Variants in OLFM3 observed in about 807,000 individuals in gnomAD.
The protein encoded by OLFM3 is olfactomedin 3.
OLFM3 carries 20 observed loss-of-function variants against 48.6 expected under a neutral mutation model. The ratio of observed to expected loss-of-function variants is 0.41; its 90% CI spans 0.29 to 0.60. The LOEUF is 0.60. Among genes scored for constraint, OLFM3 ranks in the 20% least tolerant of loss-of-function variants. The pLI is 0.28. For missense variants in OLFM3, 437 were observed against 544.3 expected (o/e 0.80, Z 1.96); for synonymous variants, 222 against 198.1 (o/e 1.12, Z -1.01).
chr1:101,949,491 T>C (rs1239921220), intron 1 of OLFM3, among the ~76,000 whole-genome samples: 1 of 152,188 alleles, frequency 6.6e-6, no homozygotes, highest in Non-Finnish European at 1.5e-5. Context: ...CCTCACACTT[T>C]GACTTCTATT....
intron 1 of OLFM3, among the ~76,000 whole-genome samples, chr1:101,899,574 T>C (rs1658322345): frequency 2.6e-5 from 4 of 152,220 alleles, no homozygotes; most frequent in African/African-American, 9.6e-5. Context: ...TTGCCTACCA[T>C]AGCAATTAAC....
At chr1:101,933,788 G>A (rs1319357551) in intron 1 of OLFM3, among the ~76,000 whole-genome samples, 1 of 152,012 alleles carries the variant, frequency 6.6e-6, no homozygotes, top group Non-Finnish European at 1.5e-5. Context: ...CTACAAGCAA[G>A]AAGAGACTGG....
At chr1:101,879,467 G>A (rs187907305) in intron 1 of OLFM3, among the ~76,000 whole-genome samples, 52 of 151,714 alleles carry the variant, frequency 3.4e-4, no homozygotes, top group South Asian at 8.3e-4. Context: ...TTCACCTTCC[G>A]TTTGTAAAAG....
chr1:101,823,943 G>A (rs1222503420), intron 4 of OLFM3, among the ~76,000 whole-genome samples: 1 of 150,064 alleles, frequency 6.7e-6, no homozygotes, highest in African/African-American at 2.4e-5. Flanking sequence ...ACTATTTTGA[G>A]GCTGTGATAA....
intron 1 of OLFM3, among the ~76,000 whole-genome samples, chr1:101,944,642 G>A (rs1659898451): frequency 6.6e-6 from 1 of 152,170 alleles, no homozygotes; most frequent in African/African-American, 2.4e-5. Flanking sequence ...CACTTTGGGA[G>A]TCCGAGGTGT....
At chr1:101,862,247 G>C (rs983936471) in intron 1 of OLFM3, among the ~76,000 whole-genome samples, 10 of 152,186 alleles carry the variant, frequency 6.6e-5, no homozygotes, top group African/African-American at 2.4e-4. Context: ...AGTGTAGGTT[G>C]TTCCATTTTT....
At chr1:101,835,643 T>C (rs1655365660) in intron 2 of OLFM3, among the ~76,000 whole-genome samples, 1 of 152,188 alleles carries the variant, frequency 6.6e-6, no homozygotes, top group South Asian at 2.1e-4. Flanking sequence ...GTTAGATGCA[T>C]GTTAGCTGAA....
chr1:101,830,800 C>T lies in OLFM3; in HGVS notation c.244G>A (p.Val82Ile). Reference sequence around the variant, plus strand: ...TCTCTCTGAGTTCTCAAGTTTAAGACTTCAATAGACTGGGACATGTTCTGA... The same window carrying T: ...TCTCTCTGAGTTCTCAAGTTTAAGATTTCAATAGACTGGGACATGTTCTGA... ...KVQNMSQSIE[V>I]LNLRTQRDFQ... Residue 82 changes from valine (V) to isoleucine (I), a missense_variant, in exon 3 of 6, where the codon GTC becomes ATC. Val to Ile is a conservative substitution (Grantham distance 29). This residue lies in a region of OLFM3 where 314 missense variants were observed against 365.5 expected (regional missense o/e 0.86). Transcript: ENST00000370103. The T allele has an allele frequency of 6.2e-7, 1 of 1,613,894 alleles. No homozygotes were observed. Among genetic ancestry groups the T allele is most frequent in the Non-Finnish European group, 8.5e-7 (1 of 1,179,818 alleles).
chr1:101,967,285 A>G (rs1660639384), intron 1 of OLFM3, among the ~76,000 whole-genome samples: 1 of 127,614 alleles, frequency 7.8e-6, no homozygotes. Flanking sequence ...ACAATTTCTC[A>G]TTTCATTTTG....
intron 1 of OLFM3, among the ~76,000 whole-genome samples, chr1:101,890,958 C>CAT (rs775046980): frequency 6.6e-6 from 1 of 151,940 alleles, no homozygotes; most frequent in Non-Finnish European, 1.5e-5. Context: ...CCGCAGAGAC[C>CAT]ATAGTCTTTC....
chr1:101,951,787 G>A (rs1182890701), intron 1 of OLFM3, among the ~76,000 whole-genome samples: 4 of 152,208 alleles, frequency 2.6e-5, no homozygotes, highest in Non-Finnish European at 2.9e-5. Context: ...ATAAGGGAGT[G>A]TTTTGAGCTT....
chr1:101,804,804 C>T lies in OLFM3; in HGVS notation c.811G>A (p.Ala271Thr). 1.2e-6 allele frequency: 2 copies of T among 1,612,552 alleles called. No homozygotes were observed. The highest frequency in any genetic ancestry group is 1.7e-6 in the Non-Finnish European group (2 of 1,179,056). The change falls in exon 6 of 6, where the codon GCA becomes ACA. Residue 271 changes from alanine (A) to threonine (T), a missense_variant. Around this residue, in one of 3 missense-constraint regions of OLFM3, gnomAD observed 314 missense variants for 365.5 expected, o/e 0.86. Coordinates refer to ENST00000370103, the MANE Select transcript of OLFM3 (RefSeq NM_058170.4). The surrounding 1 kb of genome is among the most constrained non-coding windows in gnomAD (Gnocchi z 4.5). ...SRTYNLPFKWAGTNHVVYNGS... is the reference protein window; with the variant it reads ...SRTYNLPFKWTGTNHVVYNGS... The stretch of plus-strand genomic sequence containing the variant: ...TTGTAGACAACATGGTTAGTTCCTG[C>T]CCACTTGAAAGGAAGGTTGTATGTC...
chr1:101,944,355 G>A (rs971129748), intron 1 of OLFM3, among the ~76,000 whole-genome samples: 1 of 152,094 alleles, frequency 6.6e-6, no homozygotes, highest in Admixed American at 6.6e-5. Context: ...TAATCCAGAG[G>A]AGGGATGCAG....
chr1:101,952,452 G>A (rs1660170627), intron 1 of OLFM3, among the ~76,000 whole-genome samples: 1 of 151,950 alleles, frequency 6.6e-6, no homozygotes, highest in Non-Finnish European at 1.5e-5. Flanking sequence ...TGAGTAGATG[G>A]TATATATAAT....
At chr1:101,817,422 A>G (rs1283097786) in intron 4 of OLFM3, among the ~76,000 whole-genome samples, 2 of 152,188 alleles carry the variant, frequency 1.3e-5, no homozygotes, top group Non-Finnish European at 2.9e-5. Context: ...CAAATGCAGT[A>G]ATTGAAGAAA....
At chr1:101,991,638 T>A (rs941923359) in intron 1 of OLFM3, among the ~76,000 whole-genome samples, 3 of 151,678 alleles carry the variant, frequency 2.0e-5, no homozygotes, top group African/African-American at 7.3e-5. Flanking sequence ...AACAAGTTTT[T>A]ACTTTACATT....
chr1:101,910,096 C>T, intron 1 of OLFM3: 1 of 985,448 alleles, frequency 1.0e-6, no homozygotes, highest in Non-Finnish European at 1.2e-6. Flanking sequence ...TCCCTTGTCT[C>T]AGAGAAGCTT....
chr1:101,971,542 T>C (rs1411364704), intron 1 of OLFM3, among the ~76,000 whole-genome samples: 2 of 152,168 alleles, frequency 1.3e-5, no homozygotes, highest in Non-Finnish European at 2.9e-5. Context: ...TTTTTGATGG[T>C]TTCCAAAGAT....
chr1:101,984,554 T>A (rs1453955746), intron 1 of OLFM3, among the ~76,000 whole-genome samples: 1 of 152,134 alleles, frequency 6.6e-6, no homozygotes, highest in East Asian at 1.9e-4. Flanking sequence ...TCTGCCGCCA[T>A]GCCCAGCTAA....
Sources: gnomAD v4.1 joint callset for allele counts (sites outside exome capture counted in the v4.1 genomes callset) on GRCh38, gnomAD v4.1.1 for gene constraint, gnomAD v4.1.1 regional missense constraint, Gnocchi (gnomAD v3.1) non-coding constraint, MANE v1.5 for transcripts, NCBI Gene and HGNC (gene_info 2026-07-23, HGNC 2026-07-21) for gene names.